The following CAP2 variants were observed in gnomAD, a reference collection of about 807,000 sequenced individuals.
The protein encoded by CAP2 is adenylyl cyclase-associated protein 2.
In CAP2, 24 loss-of-function variants were observed where a neutral mutation model predicts 57.7. The observed-to-expected ratio is 0.42, with a 90% confidence interval of 0.30 to 0.58. CAP2 has a LOEUF of 0.58. CAP2 is among the 20% of genes least tolerant of loss of function. The pLI is 0.22. For missense variants in CAP2, 501 were observed against 590.3 expected (o/e 0.85, Z 1.57); for synonymous variants, 194 against 207.2 (o/e 0.94, Z 0.55).
At chr6:17,403,913 A>G (rs946073550) in intron 1 of CAP2, among the ~76,000 whole-genome samples, 4 of 152,220 alleles carry the variant, frequency 2.6e-5, no homozygotes, top group African/African-American at 9.6e-5. Context: ...CTTTGCAACT[A>G]TTCACATTTT....
chr6:17,462,768 T>C (rs1760760545), intron 3 of CAP2, among the ~76,000 whole-genome samples: 1 of 152,260 alleles, frequency 6.6e-6, no homozygotes, highest in African/African-American at 2.4e-5. Flanking sequence ...TTCTGTGGTA[T>C]GGATATATCA....
chr6:17,499,407 A>G (rs1761744587), intron 4 of CAP2, among the ~76,000 whole-genome samples: 1 of 150,764 alleles, frequency 6.6e-6, no homozygotes, highest in African/African-American at 2.5e-5. Context: ...TCAAAAAAAA[A>G]AAAAAAAAAA....
chr6:17,520,515 T>C (rs1357827532), intron 7 of CAP2, among the ~76,000 whole-genome samples: 1 of 152,174 alleles, frequency 6.6e-6, no homozygotes, highest in Non-Finnish European at 1.5e-5. Flanking sequence ...AAGTCGTTGG[T>C]GGTGGTTACA....
chr6:17,434,204 T>C (rs1002652292), intron 3 of CAP2, among the ~76,000 whole-genome samples: 2 of 151,726 alleles, frequency 1.3e-5, no homozygotes, highest in African/African-American at 2.4e-5. Flanking sequence ...GTAATTTAAT[T>C]TCTTTTCTTT....
At chr6:17,460,189 G>A (rs1760683951) in intron 3 of CAP2, among the ~76,000 whole-genome samples, 1 of 152,146 alleles carries the variant, frequency 6.6e-6, no homozygotes, top group South Asian at 2.1e-4. Flanking sequence ...AATGGAGAGA[G>A]AAAGTGACCC....
At chr6:17,396,350 T>C (rs1270418632) in intron 1 of CAP2, among the ~76,000 whole-genome samples, 2 of 152,188 alleles carry the variant, frequency 1.3e-5, no homozygotes, top group African/African-American at 4.8e-5. Context: ...TGTACACAGA[T>C]GTTGACAGCA....
At chr6:17,512,095 G>A (rs549107551) in intron 6 of CAP2, among the ~76,000 whole-genome samples, 2 of 152,070 alleles carry the variant, frequency 1.3e-5, no homozygotes, top group East Asian at 3.9e-4. Context: ...ATTTTTTAAT[G>A]GAAAATATAC....
intron 1 of CAP2, among the ~76,000 whole-genome samples, chr6:17,420,983 G>GT (rs141642596): frequency 0.096 from 14,662 of 152,160 alleles, 2,360 homozygotes; most frequent in African/African-American, 0.33. Context: ...CGGAACCAAC[G>GT]TTAAGTCTCC....
intron 7 of CAP2, among the ~76,000 whole-genome samples, chr6:17,530,129 AGTG>A (rs1762608145): frequency 6.6e-6 from 1 of 152,202 alleles, no homozygotes. Flanking sequence ...GCTAGAGTGC[AGTG>A]GTGCCATCAT....
chr6:17,471,795 C>A (rs986619847), intron 4 of CAP2, among the ~76,000 whole-genome samples: 2 of 149,748 alleles, frequency 1.3e-5, no homozygotes, highest in Non-Finnish European at 3.0e-5. Context: ...TGCGCCACTG[C>A]ACTCCAGCCT....
chr6:17,426,509 A>G (rs1234118536), intron 2 of CAP2, 81 bp from the exon 3 acceptor site: 21 of 967,664 alleles, frequency 2.2e-5, no homozygotes, highest in Non-Finnish European at 1.7e-5. Flanking sequence ...TGCTAGGATT[A>G]CAGGTGTGAG....
intron 7 of CAP2, among the ~76,000 whole-genome samples, chr6:17,529,779 C>G (rs990792007): frequency 6.6e-6 from 1 of 151,170 alleles, no homozygotes; most frequent in Non-Finnish European, 1.5e-5. Flanking sequence ...TTAATCACTC[C>G]CTCCTATTAT....
At chr6:17,419,361 G>A (rs534140961) in intron 1 of CAP2, among the ~76,000 whole-genome samples, 2 of 152,324 alleles carry the variant, frequency 1.3e-5, no homozygotes, top group Admixed American at 1.3e-4. Context: ...TGCTCAGAGT[G>A]ATGCTTGGAA....
chr6:17,474,338 A>C (rs1761096832), intron 4 of CAP2, among the ~76,000 whole-genome samples: 1 of 151,496 alleles, frequency 6.6e-6, no homozygotes, highest in Non-Finnish European at 1.5e-5. Flanking sequence ...AAAAATGGGC[A>C]TGTCAGGTTT....
At chr6:17,421,947 A>G (rs954568266) in intron 2 of CAP2, among the ~76,000 whole-genome samples, 5 of 152,198 alleles carry the variant, frequency 3.3e-5, no homozygotes, top group African/African-American at 2.4e-5. Context: ...CAGTGGTGCA[A>G]TCATAGCTCA....
chr6:17,431,864 A>G (rs971884198), intron 3 of CAP2, among the ~76,000 whole-genome samples: 1 of 152,050 alleles, frequency 6.6e-6, no homozygotes, highest in African/African-American at 2.4e-5. Flanking sequence ...TCGGTTTCCA[A>G]ATGAAGAGCT....
intron 11 of CAP2, among the ~76,000 whole-genome samples, chr6:17,548,233 T>C (rs1581614733): frequency 6.6e-6 from 1 of 151,246 alleles, no homozygotes; most frequent in Non-Finnish European, 1.5e-5. Flanking sequence ...CTCGTCATGG[T>C]GCAGGCGCCT....
At chr6:17,510,994 T>A (rs1762131447) in intron 6 of CAP2, among the ~76,000 whole-genome samples, 1 of 152,224 alleles carries the variant, frequency 6.6e-6, no homozygotes, top group South Asian at 2.1e-4. Flanking sequence ...TACATGCTTT[T>A]TGTTCACAAA....
intron 1 of CAP2, among the ~76,000 whole-genome samples, chr6:17,406,335 C>T (rs998711453): frequency 6.6e-6 from 1 of 151,746 alleles, no homozygotes; most frequent in Non-Finnish European, 1.5e-5. Flanking sequence ...AGGAATTCTC[C>T]CCATACTCTG....
Sources: gnomAD v4.1 joint callset for allele counts (sites outside exome capture counted in the v4.1 genomes callset) on GRCh38, gnomAD v4.1.1 for gene constraint, MANE v1.5 for transcripts, NCBI Gene and HGNC (gene_info 2026-07-23, HGNC 2026-07-21) for gene names.